Variants in EPHA6 observed in about 807,000 individuals in gnomAD.
The protein encoded by EPHA6 is ephrin type-A receptor 6.
EPHA6 carries 50 observed loss-of-function variants against 112.0 expected under a neutral mutation model. The observed-to-expected ratio is 0.45, with a 90% confidence interval of 0.36 to 0.56. The LOEUF (loss-of-function observed/expected upper bound fraction) is 0.56. Among genes scored for constraint, EPHA6 ranks in the 20% least tolerant of loss-of-function variants. The pLI is 0.00. For synonymous variants in EPHA6, 529 were observed against 490.7 expected (o/e 1.08, Z -1.03); for missense variants, 1,280 against 1,417.4 (o/e 0.90, Z 1.56).
At chr3:97,194,112 G>A (rs544104763) in intron 3 of EPHA6, among the ~76,000 whole-genome samples, 93 of 151,812 alleles carry the variant, frequency 6.1e-4, no homozygotes, top group African/African-American at 1.8e-3. Flanking sequence ...CTAATTTTGA[G>A]TTTGGTTTGC....
At chr3:97,610,942 G>T (rs1433061362) in intron 13 of EPHA6, 88 bp downstream of exon 13, 1 of 1,093,636 alleles carries the variant, frequency 9.1e-7, no homozygotes, top group East Asian at 2.5e-5. Flanking sequence ...TTTGCATAAT[G>T]TTATTCATGG....
At chr3:97,120,300 C>G (rs2048006016) in intron 3 of EPHA6, among the ~76,000 whole-genome samples, 1 of 151,898 alleles carries the variant, frequency 6.6e-6, no homozygotes, top group Admixed American at 6.6e-5. Flanking sequence ...AATTCTTTCT[C>G]TTCTAGAAAC....
chr3:97,111,809 G>A (rs2047732324), intron 3 of EPHA6, among the ~76,000 whole-genome samples: 1 of 151,782 alleles, frequency 6.6e-6, no homozygotes, highest in Non-Finnish European at 1.5e-5. Context: ...TTCATTTGAC[G>A]GCACTGAAGC....
At chr3:97,089,656 A>G (rs989700978) in intron 3 of EPHA6, among the ~76,000 whole-genome samples, 1 of 152,158 alleles carries the variant, frequency 6.6e-6, no homozygotes, top group Non-Finnish European at 1.5e-5. Flanking sequence ...GGATTTGTGT[A>G]TCAGTAGCTT....
rs1300591507 is a variant in EPHA6 at position 97,759,278 on chromosome 3, C to T, written c.*10577C>T. ...TCAACTATGAAAATAGTGGAGTCAA[C>T]TATCAACTATGAAATAGTGGAGTCA... On this transcript the variant is annotated 3_prime_UTR_variant, in exon 18 of 18. Coordinates refer to ENST00000389672, the MANE Select transcript of EPHA6 (RefSeq NM_001080448.3). Among the ~76,000 whole-genome samples, 1 of 151,836 alleles carries T rather than the reference C, an allele frequency of 6.6e-6. No homozygotes were observed. Among genetic ancestry groups the T allele is most frequent in the Non-Finnish European group, 1.5e-5 (1 of 67,854 alleles).
At chr3:97,441,935 TA>T (rs1226543551) in intron 6 of EPHA6, among the ~76,000 whole-genome samples, 1 of 152,138 alleles carries the variant, frequency 6.6e-6, no homozygotes, top group East Asian at 1.9e-4. Context: ...CTACATATAT[TA>T]AAAAACTGTT....
At chr3:97,520,881 C>T (rs1457194111) in intron 10 of EPHA6, among the ~76,000 whole-genome samples, 1 of 152,046 alleles carries the variant, frequency 6.6e-6, no homozygotes, top group Non-Finnish European at 1.5e-5. Context: ...GTCACATAGC[C>T]TTTATTATTT....
intron 10 of EPHA6, among the ~76,000 whole-genome samples, chr3:97,500,481 T>C (rs914047541): frequency 3.3e-5 from 5 of 151,960 alleles, no homozygotes; most frequent in African/African-American, 9.7e-5. Context: ...TACATACTTG[T>C]AAACGACCAG....
At chr3:96,870,066 A>T (rs557558530) in intron 2 of EPHA6, among the ~76,000 whole-genome samples, 4 of 152,230 alleles carry the variant, frequency 2.6e-5, no homozygotes, top group Middle Eastern at 6.8e-3. Flanking sequence ...GAAATACTTC[A>T]TGTATTGGTC....
chr3:97,363,221 T>C lies in EPHA6; in HGVS notation c.1607-41929T>C, dbSNP rs1396412796. 3.8e-5 allele frequency among the ~76,000 whole-genome samples: 2 copies of C among 52,918 alleles called. 1 individual carries two copies. The highest frequency in any genetic ancestry group is 1.9e-4 in the African/African-American group (2 of 10,672). The allele number at this position is 52,918 out of a possible 152,430, so 34.7% of individuals were successfully genotyped here. ...ATATATATATATATATATATATATA[T>C]ATATATATATATATATAAATCTCAG... is the stretch of plus-strand genomic sequence containing the variant. On this transcript the variant is annotated intron_variant, in intron 5 of 17. Coordinates refer to ENST00000389672, the MANE Select transcript of EPHA6 (RefSeq NM_001080448.3).
At chr3:97,528,529 T>C (rs1367624926) in intron 10 of EPHA6, among the ~76,000 whole-genome samples, 1 of 152,086 alleles carries the variant, frequency 6.6e-6, no homozygotes, top group Non-Finnish European at 1.5e-5. Context: ...CAAAGAAACA[T>C]TTCATCACAC....
At chr3:97,487,207 G>A (rs973715964) in intron 10 of EPHA6, among the ~76,000 whole-genome samples, 1 of 152,192 alleles carries the variant, frequency 6.6e-6, no homozygotes, top group East Asian at 1.9e-4. Context: ...AAAAATGTAC[G>A]AGACCTCTGT....
chr3:97,517,610 C>A (rs769657196), intron 10 of EPHA6, among the ~76,000 whole-genome samples: 1 of 151,944 alleles, frequency 6.6e-6, no homozygotes, highest in African/African-American at 2.4e-5. Context: ...CATTTAAAAT[C>A]TACTCTCTCA....
At chr3:97,690,427 G>A (rs985054231) in intron 14 of EPHA6, among the ~76,000 whole-genome samples, 5 of 150,238 alleles carry the variant, frequency 3.3e-5, no homozygotes, top group African/African-American at 1.2e-4. Flanking sequence ...GTGCTTATTA[G>A]CCATTCATCT....
intron 13 of EPHA6, among the ~76,000 whole-genome samples, chr3:97,632,049 A>G (rs907529140): frequency 6.6e-6 from 1 of 152,032 alleles, no homozygotes; most frequent in African/African-American, 2.4e-5. Context: ...AAAATTTTGT[A>G]GTAGTCATAA....
At chr3:97,465,484 G>T (rs1197268253) in intron 7 of EPHA6, among the ~76,000 whole-genome samples, 4 of 151,856 alleles carry the variant, frequency 2.6e-5, no homozygotes, top group Non-Finnish European at 5.9e-5. Context: ...CCATGGGGTT[G>T]GCCTTTTTAA....
chr3:97,159,996 G>T (rs1559764448), intron 3 of EPHA6, among the ~76,000 whole-genome samples: 1 of 152,114 alleles, frequency 6.6e-6, no homozygotes, highest in Admixed American at 6.5e-5. Flanking sequence ...TGCCATATTG[G>T]GGACTCAGTG....
At chr3:97,422,839 A>T (rs1047048914) in intron 6 of EPHA6, among the ~76,000 whole-genome samples, 2 of 152,196 alleles carry the variant, frequency 1.3e-5, no homozygotes, top group African/African-American at 2.4e-5. Context: ...TATTCATGGG[A>T]TGCAAGGTTG....
chr3:96,933,445 T>C (rs1340738924), intron 2 of EPHA6, among the ~76,000 whole-genome samples: 1 of 152,200 alleles, frequency 6.6e-6, no homozygotes, highest in East Asian at 1.9e-4. Flanking sequence ...TTAACTATTT[T>C]CATGATTTTG....
Sources: gnomAD v4.1 joint callset for allele counts (sites outside exome capture counted in the v4.1 genomes callset) on GRCh38, gnomAD v4.1.1 for gene constraint, MANE v1.5 for transcripts, NCBI Gene and HGNC (gene_info 2026-07-23, HGNC 2026-07-21) for gene names.